KIF1B: variants seen among roughly 807,000 people sequenced by gnomAD.
KIF1B encodes kinesin family member 1B, also known as kinesin-like protein KIF1B.
A neutral mutation model predicts 241.9 loss-of-function variants in KIF1B; 76 were observed. That is an observed-to-expected ratio of 0.31 (90% CI 0.26 to 0.38). The LOEUF is 0.38. Among genes scored for constraint, KIF1B ranks in the 10% least tolerant of loss-of-function variants. KIF1B has a pLI of 1.00. For synonymous variants in KIF1B, 750 were observed against 796.7 expected (o/e 0.94, Z 0.99); for missense variants, 1,622 against 2,271.4 (o/e 0.71, Z 5.81).
At chr1:10,271,239 T>C (rs1489344678) in intron 7 of KIF1B, among the ~76,000 whole-genome samples, 1 of 151,834 alleles carries the variant, frequency 6.6e-6, no homozygotes, top group Non-Finnish European at 1.5e-5. Flanking sequence ...CAGGCTGGAG[T>C]GCAGCAGACA....
intron 22 of KIF1B, among the ~76,000 whole-genome samples, chr1:10,314,768 A>T (rs1651229097): frequency 6.6e-6 from 1 of 151,576 alleles, no homozygotes; most frequent in African/African-American, 2.4e-5. Context: ...TTTTCATGTT[A>T]GTTTTGGTTA....
intron 29 of KIF1B, 97 bp from the exon 30 acceptor site, chr1:10,336,977 C>T: frequency 6.6e-7 from 1 of 1,518,012 alleles, no homozygotes; most frequent in Non-Finnish European, 9.1e-7. Flanking sequence ...TTTCCAGTCA[C>T]TATTATTTGT....
At chr1:10,286,025 T>C (rs779179906) in intron 15 of KIF1B, among the ~76,000 whole-genome samples, 1 of 152,074 alleles carries the variant, frequency 6.6e-6, no homozygotes, top group Non-Finnish European at 1.5e-5. Flanking sequence ...TAGGTACTCA[T>C]GTCACACCAT....
intron 22 of KIF1B, among the ~76,000 whole-genome samples, chr1:10,310,317 C>A (rs1313945363): frequency 6.6e-6 from 1 of 151,504 alleles, no homozygotes; most frequent in African/African-American, 2.4e-5. Flanking sequence ...TCATAAATTC[C>A]CAGGTGATTC....
chr1:10,341,461 C>G (rs982173826), intron 32 of KIF1B, among the ~76,000 whole-genome samples: 2 of 152,178 alleles, frequency 1.3e-5, no homozygotes, highest in Admixed American at 6.5e-5. Flanking sequence ...GAGGAGAGAG[C>G]AGGTGAAAGG....
At chr1:10,356,144 G>A (rs1265567006) in intron 38 of KIF1B, among the ~76,000 whole-genome samples, 2 of 152,058 alleles carry the variant, frequency 1.3e-5, no homozygotes, top group Non-Finnish European at 2.9e-5. Flanking sequence ...AAGGCGGGTG[G>A]ATCACGAGGT....
chr1:10,225,483 A>G (rs958504961), intron 1 of KIF1B, among the ~76,000 whole-genome samples: 1 of 152,194 alleles, frequency 6.6e-6, no homozygotes, highest in Non-Finnish European at 1.5e-5. Context: ...CAACAAAACA[A>G]TAAAAAAAGT....
Position 10,226,795 on chromosome 1 carries a change from C to T in KIF1B, c.-79-5455C>T, listed in dbSNP as rs1413085451. 3.3e-5 allele frequency among the ~76,000 whole-genome samples: 5 copies of T among 152,032 alleles called. No individual in the cohort carries two copies. In the East Asian group the frequency reaches 7.8e-4, roughly 24 times the overall value. On this transcript the variant is annotated intron_variant, in intron 1 of 48. Transcript: ENST00000676179. ...CAGCCTGGGCAACATAGCGAAACCC[C>T]GTCCCTACTAAAAATACAAAAAGCT...
At chr1:10,350,742 T>C (rs1304794668) in intron 37 of KIF1B, among the ~76,000 whole-genome samples, 2 of 152,138 alleles carry the variant, frequency 1.3e-5, no homozygotes, top group East Asian at 3.9e-4. Context: ...TTTTTCCCCA[T>C]CCAAGCTCAA....
At chr1:10,292,151 A>C in intron 17 of KIF1B, 29 bp downstream of exon 17, 1 of 1,567,538 alleles carries the variant, frequency 6.4e-7, no homozygotes, top group South Asian at 1.1e-5. Context: ...AAACCTAATC[A>C]GACAGAGACA....
In KIF1B at chr1:10,315,513, AT is replaced by A. The variant is rs1032296293; in HGVS notation, c.2116-4527del. On this transcript the variant is annotated intron_variant, in intron 22 of 48. Coordinates refer to ENST00000676179, the MANE Select transcript of KIF1B (RefSeq NM_001365951.3). ...CTAATACCACTATCCCATCTAGGAA[AT>A]TTAATACTGATTCAATATTGATTCA... 2.6e-5 allele frequency among the ~76,000 whole-genome samples: 4 copies of A among 151,618 alleles called. 1 individual carries two copies.
intron 25 of KIF1B, 43 bp from the exon 26 acceptor site, chr1:10,324,715 A>C (rs774185911): frequency 6.2e-7 from 1 of 1,610,486 alleles, no homozygotes; most frequent in Admixed American, 1.7e-5. Context: ...GTTTAATGCA[A>C]TCTCATTATA....
At position 10,378,553 on chromosome 1, in the gene KIF1B, A is replaced by T. The variant is rs1638946314; in HGVS notation, c.*1966A>T. The T allele has an allele frequency of 1.5e-6, 1 of 660,802 alleles. No individual in the cohort carries two copies. The highest frequency in any genetic ancestry group is 1.7e-5 in the South Asian group (1 of 58,412). The allele number at this position is 660,802 out of a possible 1,614,324, so 40.9% of individuals were successfully genotyped here. A position where few individuals can be genotyped will look rare whatever the true frequency, so the allele number is the denominator to read the frequency against. On this transcript the variant is annotated 3_prime_UTR_variant, in exon 49 of 49. Coordinates refer to ENST00000676179, the MANE Select transcript of KIF1B (RefSeq NM_001365951.3). ...CAGGCATTCAGGAAAGTATCTGCTC[A>T]CTCCCACTTGGTGAGTCCTCGGCCT...
At chr1:10,287,583 T>C (rs1649778008) in intron 15 of KIF1B, among the ~76,000 whole-genome samples, 1 of 152,206 alleles carries the variant, frequency 6.6e-6, no homozygotes, top group Non-Finnish European at 1.5e-5. Context: ...ACCTAAAAAT[T>C]GCAGCTGAAA....
chr1:10,263,270 C>CAAA (rs796479599), intron 5 of KIF1B, among the ~76,000 whole-genome samples: 1 of 139,744 alleles, frequency 7.2e-6, no homozygotes. Flanking sequence ...GAGTCTGTCT[C>CAAA]AAAAAAAAAA....
intron 22 of KIF1B, chr1:10,304,544 A>C (rs1195949357): frequency 6.2e-7 from 1 of 1,614,130 alleles, no homozygotes; most frequent in East Asian, 2.2e-5. Flanking sequence ...TATCAGAAGC[A>C]GACTGACAAA....
intron 17 of KIF1B, among the ~76,000 whole-genome samples, chr1:10,292,875 A>C (rs1650071008): frequency 6.6e-6 from 1 of 152,206 alleles, no homozygotes; most frequent in African/African-American, 2.4e-5. Flanking sequence ...CATGTATTTT[A>C]TGCCACTAGT....
intron 14 of KIF1B, 126 bp from the exon 15 acceptor site, chr1:10,282,196 G>A (rs1258489733): frequency 8.5e-6 from 6 of 708,276 alleles, no homozygotes; most frequent in East Asian, 2.7e-5. Context: ...GTATTATAGC[G>A]TGTCTTGGTC....
chr1:10,334,472 A>G, intron 27 of KIF1B, 48 bp from the exon 28 acceptor site: 1 of 1,381,508 alleles, frequency 7.2e-7, no homozygotes, highest in Non-Finnish European at 1.0e-6. Flanking sequence ...AAGCCAGTTT[A>G]TCTCTCCATG....
Sources: allele counts gnomAD v4.1 joint callset (sites outside exome capture counted in the v4.1 genomes callset), GRCh38; gene constraint gnomAD v4.1.1; transcripts MANE v1.5; gene names NCBI Gene and HGNC (gene_info 2026-07-23, HGNC 2026-07-21).